SERPINB5: variants seen among roughly 807,000 people sequenced by gnomAD.
SERPINB5 encodes the protein serpin family B member 5.
SERPINB5 carries 27 observed loss-of-function variants against 32.2 expected under a neutral mutation model. The observed-to-expected ratio is 0.84, with a 90% confidence interval of 0.62 to 1.16. SERPINB5 has a LOEUF of 1.16. Among genes scored for constraint, SERPINB5 ranks in the 50% most tolerant of loss-of-function variants. The pLI, the probability that SERPINB5 is intolerant of heterozygous loss-of-function variation, is 0.00. For missense variants in SERPINB5, 388 were observed against 436.3 expected, an observed-to-expected ratio of 0.89 and a Z score of 0.99; for synonymous variants, 154 against 157.4, an observed-to-expected ratio of 0.98 and a Z score of 0.16.
chr18:63,496,853 G>T, intron 5 of SERPINB5: 1 of 256,402 alleles, frequency 3.9e-6, no homozygotes, highest in Non-Finnish European at 7.8e-6. Context: ...AGGAGGCCAG[G>T]TGTTAATAGG....
In SERPINB5 at chr18:63,503,640, A is replaced by C. The variant is rs776808561; in HGVS notation, c.1046A>C (p.Asn349Thr). ...ARILQHKDEL[N>T]ADHPFIYIIR... Reference sequence around the variant, plus strand: ...ATCCTGCAGCACAAGGATGAATTGAATGCTGACCATCCCTTTATTTACATC... The same window carrying C: ...ATCCTGCAGCACAAGGATGAATTGACTGCTGACCATCCCTTTATTTACATC... Residue 349 changes from asparagine (N) to threonine (T), a missense_variant, in exon 7 of 7, where the codon AAT becomes ACT. Physicochemically the swap from Asn to Thr is moderately conservative, Grantham distance 65 (BLOSUM62 0). Transcript: ENST00000382771. The C allele has an allele frequency of 1.7e-5, 28 of 1,614,120 alleles. No individual in the cohort carries two copies. Among genetic ancestry groups the C allele is most frequent in the Non-Finnish European group, 2.0e-5 (24 of 1,180,032 alleles).
At chr18:63,493,437 C>T (rs1909382309) in intron 5 of SERPINB5, 3 of 506,352 alleles carry the variant, frequency 5.9e-6, no homozygotes, top group South Asian at 3.8e-5. Flanking sequence ...TATCAGAGGA[C>T]TTTGGATTAT....
chr18:63,490,383 G>A (rs1909307671), intron 4 of SERPINB5, among the ~76,000 whole-genome samples: 1 of 151,984 alleles, frequency 6.6e-6, no homozygotes. Context: ...CCGGTGAGTC[G>A]TCTTCCTTGC....
intron 3 of SERPINB5, among the ~76,000 whole-genome samples, chr18:63,487,696 ACCCATTGTTGTAATATTTAAAAAT>A (rs1266434818): frequency 6.6e-6 from 1 of 152,202 alleles, no homozygotes; most frequent in Non-Finnish European, 1.5e-5. Flanking sequence ...CCACTACGGT[ACCCATTGTTGTAATATTTAAAAAT>A]CTGTATTTGA....
chr18:63,491,895 CATATT>C (rs1322003267), intron 4 of SERPINB5, among the ~76,000 whole-genome samples: 1 of 152,166 alleles, frequency 6.6e-6, no homozygotes, highest in Non-Finnish European at 1.5e-5. Context: ...ATATATTTAA[CATATT>C]ATATAGCATT....
chr18:63,486,878 C>T (rs941036160), intron 2 of SERPINB5, 68 bp from the exon 3 acceptor site: 61 of 1,544,056 alleles, frequency 4.0e-5, no homozygotes, highest in Non-Finnish European at 4.9e-5. Flanking sequence ...GTCATTATCA[C>T]GTGTCCACTT....
chr18:63,489,068 A>G (rs1917258206), intron 3 of SERPINB5, among the ~76,000 whole-genome samples: 1 of 152,236 alleles, frequency 6.6e-6, no homozygotes, highest in Non-Finnish European at 1.5e-5. Context: ...ATTACAACCC[A>G]TAAGAGAATT....
At chr18:63,481,329 A>C (rs374707340) in intron 1 of SERPINB5, among the ~76,000 whole-genome samples, 1 of 152,254 alleles carries the variant, frequency 6.6e-6, no homozygotes, top group South Asian at 2.1e-4. Context: ...AGGTGTTTGC[A>C]GCCAAACTCC....
intron 1 of SERPINB5, among the ~76,000 whole-genome samples, chr18:63,477,905 C>T (rs1917060712): frequency 6.6e-6 from 1 of 152,158 alleles, no homozygotes; most frequent in Non-Finnish European, 1.5e-5. Context: ...ATCTGGTGTC[C>T]AAAGGCACAC....
intron 6 of SERPINB5, 72 bp from the exon 7 acceptor site, chr18:63,503,258 G>C (rs1909606243): frequency 6.7e-7 from 1 of 1,485,338 alleles, no homozygotes; most frequent in African/African-American, 1.4e-5. Context: ...AACACCTTAT[G>C]TTTTCAATTG....
chr18:63,501,386 T>TG (rs1909569074), intron 6 of SERPINB5, among the ~76,000 whole-genome samples: 1 of 152,160 alleles, frequency 6.6e-6, no homozygotes, highest in East Asian at 1.9e-4. Flanking sequence ...TCATTTTTTA[T>TG]GGCTGCATAG....
At position 63,505,000 on chromosome 18, in the gene SERPINB5, C is replaced by T. The variant is rs11152386; in HGVS notation, c.*1278C>T. The T allele has an allele frequency of 6.6e-6, 1 of 151,828 alleles. No homozygotes were observed. The highest frequency in any genetic ancestry group is 6.6e-5 in the Admixed American group (1 of 15,250). The allele number at this position is 151,828 out of a possible 1,614,324, so 9.4% of individuals were successfully genotyped here. ...TTCCTTCTCCCATCTCTTCCTTGAC[C>T]TGCATTGTAAATAGGTTCTTCTTGT... On this transcript the variant is annotated 3_prime_UTR_variant, in exon 7 of 7. Transcript: ENST00000382771.
In SERPINB5 at chr18:63,503,957, G is replaced by T. The variant is rs1599396144; in HGVS notation, c.*235G>T. 2.0e-6 allele frequency: 1 copy of T among 500,924 alleles called. No homozygotes were observed. Among genetic ancestry groups the T allele is most frequent in the Non-Finnish European group, 3.5e-6 (1 of 287,430 alleles). 31.0% of individuals were successfully genotyped at this position (500,924 alleles called of 1,614,324 possible). A position where few individuals can be genotyped will look rare whatever the true frequency, so the allele number is the denominator to read the frequency against. ...CAATGACATACGCTTTTAATGAAAAGGAATCACGTTAGAGGAAAAATATTT... is the reference window on the plus strand; with the variant it reads ...CAATGACATACGCTTTTAATGAAAATGAATCACGTTAGAGGAAAAATATTT... On this transcript the variant is annotated 3_prime_UTR_variant, in exon 7 of 7. Coordinates refer to ENST00000382771, the MANE Select transcript of SERPINB5 (RefSeq NM_002639.5).
intron 1 of SERPINB5, among the ~76,000 whole-genome samples, chr18:63,478,774 T>TTC (rs397958405): frequency 6.6e-6 from 1 of 151,498 alleles, no homozygotes; most frequent in African/African-American, 2.4e-5. Flanking sequence ...TTTTTTTTTT[T>TTC]CTTGAGATGG....
Position 63,484,741 on chromosome 18 carries a change from CTTTTTTTTTTTT to C in SERPINB5, c.168+156_168+167del, listed in dbSNP as rs869236018. The C allele has an allele frequency of 8.3e-5, 9 of 108,198 alleles. 1 individual carries two copies. The highest frequency in any genetic ancestry group is 2.5e-4 in the East Asian group (1 of 4,048). 6.7% of individuals were successfully genotyped at this position (108,198 alleles called of 1,614,324 possible). On this transcript the variant is annotated intron_variant, in intron 2 of 6. Transcript: ENST00000382771. ...TGTGCCATTCCAGGACTCTCTTAAT[CTTTTTTTTTTTT>C]TTTTTTTTTTGTGAGACAGGGTCCC...
chr18:63,478,674 G>A (rs1419575980), intron 1 of SERPINB5, among the ~76,000 whole-genome samples: 2 of 151,490 alleles, frequency 1.3e-5, no homozygotes, highest in Non-Finnish European at 2.9e-5. Context: ...CTTGAGAGAT[G>A]TTTTTCACCA....
At chr18:63,491,935 A>G (rs984547143) in intron 4 of SERPINB5, among the ~76,000 whole-genome samples, 1 of 152,232 alleles carries the variant, frequency 6.6e-6, no homozygotes, top group Non-Finnish European at 1.5e-5. Flanking sequence ...CATAATTTGC[A>G]TGGTCCAGGG....
intron 1 of SERPINB5, among the ~76,000 whole-genome samples, chr18:63,478,768 T>TTC (rs1487643047): frequency 2.0e-5 from 3 of 151,372 alleles, no homozygotes; most frequent in Admixed American, 6.6e-5. Context: ...GTTTTTTTTT[T>TTC]TTTTTTCTTG....
At chr18:63,480,160 A>G (rs1327142349) in intron 1 of SERPINB5, among the ~76,000 whole-genome samples, 1 of 152,240 alleles carries the variant, frequency 6.6e-6, no homozygotes, top group Admixed American at 6.5e-5. Flanking sequence ...TGGCCAGCCT[A>G]GATCCTCTCC....
Sources: gnomAD v4.1 joint callset for allele counts (sites outside exome capture counted in the v4.1 genomes callset) on GRCh38, gnomAD v4.1.1 for gene constraint, MANE v1.5 for transcripts, NCBI Gene and HGNC (gene_info 2026-07-23, HGNC 2026-07-21) for gene names.